The following AKT1 variants were observed in gnomAD, a reference collection of about 807,000 sequenced individuals.
AKT1 encodes the protein RAC-alpha serine/threonine-protein kinase.
In AKT1, 21 loss-of-function variants were observed where a neutral mutation model predicts 63.1. That is an observed-to-expected ratio of 0.33 (90% CI 0.24 to 0.48). The LOEUF is 0.48. AKT1 is among the 20% of genes least tolerant of loss of function. The pLI is 0.99. For missense variants in AKT1, 382 were observed against 666.0 expected (o/e 0.57, Z 4.69); for synonymous variants, 257 against 253.1 (o/e 1.02, Z -0.15).
At chr14:104,772,507 G>A in intron 12 of AKT1, 55 bp from the exon 13 acceptor site, 1 of 1,572,178 alleles carries the variant, frequency 6.4e-7, no homozygotes, top group Non-Finnish European at 8.7e-7. Flanking sequence ...CCAGGCCCTG[G>A]GTTCAGGCCC....
chr14:104,778,172 T>TC, intron 4 of AKT1: 1 of 152,290 alleles, frequency 6.6e-6, no homozygotes, highest in South Asian at 2.1e-4. Flanking sequence ...TCCAGAGAGC[T>TC]CCCCACCTCG....
In AKT1 at chr14:104,770,009, G is replaced by A; in HGVS notation, c.*332C>T. ...GACAGAGTGAGGGGACACATGGGCA[G>A]GACCTGCCCGGCCCCCCAATGCCAC... On this transcript the variant is annotated 3_prime_UTR_variant, in exon 15 of 15. Transcript: ENST00000649815. 2.2e-6 allele frequency: 1 copy of A among 461,434 alleles called. No homozygotes were observed. Among genetic ancestry groups the A allele is most frequent in the South Asian group, 2.1e-5 (1 of 47,030 alleles). The allele number at this position is 461,434 out of a possible 1,614,324, so 28.6% of individuals were successfully genotyped here.
At chr14:104,785,311 G>A (rs561507779) in intron 3 of AKT1, among the ~76,000 whole-genome samples, 1 of 152,094 alleles carries the variant, frequency 6.6e-6, no homozygotes, top group African/African-American at 2.4e-5. Context: ...AGCAGCCCTC[G>A]AACCCTGTAA....
At chr14:104,790,644 A>G (rs901635764) in intron 3 of AKT1, among the ~76,000 whole-genome samples, 1 of 152,204 alleles carries the variant, frequency 6.6e-6, no homozygotes, top group Non-Finnish European at 1.5e-5. Flanking sequence ...TGCCAAGGGC[A>G]TATGTCATAT....
chr14:104,774,079 TACCACACCGCCCGTAGCCCCAC>T, intron 8 of AKT1, 99 bp from the exon 9 acceptor site: 1 of 1,160,656 alleles, frequency 8.6e-7, no homozygotes, highest in Non-Finnish European at 1.3e-6. Context: ...CGTCGCCTGA[TACCACACCGCCCGTAGCCCCAC>T]ACCACACTGC....
At chr14:104,784,749 G>A (rs10149779) in intron 3 of AKT1, among the ~76,000 whole-genome samples, 45,276 of 152,006 alleles carry the variant, frequency 0.3, 7,151 homozygotes, top group African/African-American at 0.37. Flanking sequence ...CACACTGTGG[G>A]TCAGGCCCCC....
intron 13 of AKT1, 60 bp from the exon 14 acceptor site, chr14:104,770,907 C>T: frequency 7.0e-7 from 1 of 1,438,832 alleles, no homozygotes; most frequent in Non-Finnish European, 9.7e-7. Flanking sequence ...AGCACACCCT[C>T]AAGTGTGCTC....
At chr14:104,786,727 G>A (rs1566824165) in intron 3 of AKT1, among the ~76,000 whole-genome samples, 1 of 152,150 alleles carries the variant, frequency 6.6e-6, no homozygotes. Flanking sequence ...AGCTGTGGAG[G>A]GTGCTCCTTC....
At chr14:104,781,953 G>A (rs1345922697) in intron 3 of AKT1, among the ~76,000 whole-genome samples, 1 of 152,196 alleles carries the variant, frequency 6.6e-6, no homozygotes. Context: ...CCTGCCAGTG[G>A]GCTGCCGAGC....
chr14:104,787,422 A>T (rs1381384906), intron 3 of AKT1, among the ~76,000 whole-genome samples: 2 of 152,044 alleles, frequency 1.3e-5, no homozygotes. Context: ...GCAGCTGCCC[A>T]CCCAGGGTGG....
In AKT1 at chr14:104,773,359, G is replaced by A; in HGVS notation, c.849C>T (p.Asp283=). ...RDLKLENLML[D]KDGHIKITDF... ...CTGTGATCTTAATGTGCCCGTCCTT[G>A]TCCAGCATGAGGTTCTCCAGCTAGG... The change falls in exon 11 of 15, where the codon GAC becomes GAT. Residue 283 remains aspartate, a synonymous_variant. Coordinates refer to ENST00000649815, the MANE Select transcript of AKT1 (RefSeq NM_001382430.1). 6.2e-7 allele frequency: 1 copy of A among 1,614,202 alleles called. No homozygotes were observed. Among genetic ancestry groups the A allele is most frequent in the Non-Finnish European group, 8.5e-7 (1 of 1,180,006 alleles).
chr14:104,774,974 G>C lies in AKT1; in HGVS notation c.597C>G (p.Asn199Lys). ...KDEVAHTLTE[N>K]RVLQNSRHPF... is the part of the protein sequence containing the mutation. Reference sequence around the variant, plus strand: ...GGTGCCTGGAGTTCTGCAGGACGCGGTTCTCGGTGAGTGTGTGGGCCACCT... The same window carrying C: ...GGTGCCTGGAGTTCTGCAGGACGCGCTTCTCGGTGAGTGTGTGGGCCACCT... Residue 199 changes from asparagine (N) to lysine (K), a missense_variant, in exon 8 of 15, where the codon AAC becomes AAG. Physicochemically the swap from Asn to Lys is moderately conservative, Grantham distance 94 (BLOSUM62 0). Transcript: ENST00000649815. The C allele has an allele frequency of 6.2e-7, 1 of 1,613,088 alleles. No individual in the cohort carries two copies. The highest frequency in any genetic ancestry group is 1.1e-5 in the South Asian group (1 of 91,056).
intron 13 of AKT1, chr14:104,771,322 G>T: frequency 4.0e-6 from 1 of 250,894 alleles, no homozygotes. Context: ...GCTGCAGACA[G>T]GACTCTCAAT....
chr14:104,775,392 C>G, intron 6 of AKT1, 185 bp from the exon 7 acceptor site: 1 of 1,214,494 alleles, frequency 8.2e-7, no homozygotes, highest in Non-Finnish European at 1.1e-6. Context: ...GGCTGCGGCC[C>G]CAGCTCAGAG....
intron 3 of AKT1, among the ~76,000 whole-genome samples, chr14:104,780,719 C>G (rs1013185911): frequency 2.6e-5 from 4 of 152,156 alleles, no homozygotes; most frequent in African/African-American, 9.7e-5. Context: ...GGCCGCCCCC[C>G]CCGCCCCGCC....
Position 104,770,780 on chromosome 14 carries a change from G to A in AKT1, c.1328C>T (p.Thr443Met), listed in dbSNP as rs2140890898. The change falls in exon 14 of 15, where the codon ACG becomes ATG. Residue 443 changes from threonine (T) to methionine (M), a missense_variant. Transcript: ENST00000649815. ...TDTRYFDEEF[T>M]AQMITITPPD... ...TGGTGTGATGGTGATCATCTGGGCC[G>A]TGAACTCCTCATCAAAATACCTGGT... The A allele has an allele frequency of 3.1e-6, 5 of 1,614,098 alleles. 1 individual carries two copies. Among genetic ancestry groups the A allele is most frequent in the South Asian group, 2.2e-5 (2 of 91,080 alleles).
intron 3 of AKT1, among the ~76,000 whole-genome samples, chr14:104,783,262 GACTTA>G (rs1423009879): frequency 2.0e-5 from 3 of 152,128 alleles, no homozygotes; most frequent in Non-Finnish European, 4.4e-5. Context: ...TGTCATCCAG[GACTTA>G]ACTTGAGTTC....
rs1892736388 is a variant in AKT1 at position 104,776,739 on chromosome 14, C to T, written c.207G>A (p.Arg69=). ...GGCAGCGGATGATGAAGGTGTTGGG[C>T]CGGGGCCGCTCCGTCTTCATCAGCT... ...QCQLMKTERP[R]PNTFIIRCLQ... Residue 69 remains arginine, a synonymous_variant, in exon 5 of 15, where the codon CGG becomes CGA. Coordinates refer to ENST00000649815, the MANE Select transcript of AKT1 (RefSeq NM_001382430.1). The T allele has an allele frequency of 1.2e-6, 2 of 1,613,362 alleles. No individual in the cohort carries two copies. The highest frequency in any genetic ancestry group is 1.1e-5 in the South Asian group (1 of 91,086).
chr14:104,784,514 G>A (rs1228822574), intron 3 of AKT1, among the ~76,000 whole-genome samples: 10 of 152,172 alleles, frequency 6.6e-5, no homozygotes, highest in Non-Finnish European at 1.3e-4. Context: ...CCCTCCGGCA[G>A]GAGTGACCTT....
Sources: gnomAD v4.1 joint callset for allele counts (sites outside exome capture counted in the v4.1 genomes callset) on GRCh38, gnomAD v4.1.1 for gene constraint, MANE v1.5 for transcripts, NCBI Gene and HGNC (gene_info 2026-07-23, HGNC 2026-07-21) for gene names.